Variants in NEO1 observed in about 807,000 individuals in gnomAD.
NEO1 encodes the protein neogenin 1.
Under a neutral mutation model 159.7 loss-of-function variants are expected in NEO1, and 63 were observed. The ratio of observed to expected loss-of-function variants is 0.39; its 90% CI spans 0.32 to 0.49. NEO1 has a LOEUF of 0.49. NEO1 is among the 20% of genes least tolerant of loss of function. The probability of loss-of-function intolerance (pLI) is 0.85; values close to 1 mark genes in which losing one functional copy is unlikely to be tolerated. For missense variants in NEO1, 1,615 were observed against 1,831.0 expected, an observed-to-expected ratio of 0.88 and a Z score of 2.15; for synonymous variants, 633 against 662.0, an observed-to-expected ratio of 0.96 and a Z score of 0.67.
At chr15:73,235,992 A>G (rs764447432) in intron 7 of NEO1, among the ~76,000 whole-genome samples, 4 of 152,176 alleles carry the variant, frequency 2.6e-5, no homozygotes, top group Non-Finnish European at 5.9e-5. Flanking sequence ...GCCTTCTGTG[A>G]GAAGTTTTAT....
At chr15:73,272,343 T>G (rs1433665847) in intron 18 of NEO1, 112 bp from the exon 19 acceptor site, 2 of 672,036 alleles carry the variant, frequency 3.0e-6, no homozygotes, top group African/African-American at 3.6e-5. Context: ...GCCAGAAGCT[T>G]TATCTTTTTT....
chr15:73,189,434 TG>T (rs2036119730), intron 7 of NEO1, among the ~76,000 whole-genome samples: 1 of 152,250 alleles, frequency 6.6e-6, no homozygotes, highest in Non-Finnish European at 1.5e-5. Flanking sequence ...ACCGGCTTGT[TG>T]AAGGATCCAC....
intron 7 of NEO1, among the ~76,000 whole-genome samples, chr15:73,186,761 T>C (rs79145273): frequency 0.013 from 2,024 of 152,168 alleles, 18 homozygotes; most frequent in South Asian, 0.017. Context: ...GTGAGGGGAA[T>C]AGGGCAGGCA....
intron 1 of NEO1, among the ~76,000 whole-genome samples, chr15:73,114,581 A>G (rs946240345): frequency 1.1e-4 from 16 of 152,188 alleles, no homozygotes; most frequent in African/African-American, 3.4e-4. Context: ...ACCTGGCTCA[A>G]TTTTAAAAAT....
chr15:73,208,781 G>A (rs745693269), intron 7 of NEO1, among the ~76,000 whole-genome samples: 14 of 151,880 alleles, frequency 9.2e-5, no homozygotes, highest in Non-Finnish European at 1.5e-4. Flanking sequence ...AGGATCACCC[G>A]AGCCCAGGAG....
intron 5 of NEO1, among the ~76,000 whole-genome samples, chr15:73,164,016 C>CTTA (rs1555441506): frequency 1.7e-5 from 1 of 59,710 alleles, no homozygotes; most frequent in African/African-American, 3.4e-5. Context: ...GTTTCTTTTT[C>CTTA]TTATTTTTTT....
chr15:73,155,876 G>T (rs1477527111), intron 5 of NEO1, among the ~76,000 whole-genome samples: 1 of 152,112 alleles, frequency 6.6e-6, no homozygotes, highest in African/African-American at 2.4e-5. Flanking sequence ...CTTGGTACTG[G>T]TTTTCAGATT....
intron 7 of NEO1, among the ~76,000 whole-genome samples, chr15:73,214,651 T>C (rs1263760355): frequency 6.6e-6 from 1 of 152,208 alleles, no homozygotes; most frequent in Non-Finnish European, 1.5e-5. Context: ...TTTTTAGCAG[T>C]ACCATGCTGT....
intron 13 of NEO1, among the ~76,000 whole-genome samples, chr15:73,258,090 A>T (rs942845481): frequency 1.3e-5 from 2 of 152,190 alleles, no homozygotes; most frequent in Non-Finnish European, 2.9e-5. Context: ...CCTGGTTTGT[A>T]GAATAGACTT....
At chr15:73,051,942 C>G (rs913037243), upstream of NEO1, 1 of 152,572 alleles carries the variant, frequency 6.6e-6, no homozygotes, top group Non-Finnish European at 1.5e-5. Context: ...CCAGCCTGAG[C>G]TCGGAGCGCC....
intron 2 of NEO1, among the ~76,000 whole-genome samples, chr15:73,121,474 A>G (rs1033662828): frequency 1.2e-4 from 18 of 152,178 alleles, no homozygotes; most frequent in Non-Finnish European, 2.4e-4. Flanking sequence ...TTTACTACTT[A>G]AGATGGTCTG....
chr15:73,286,232 A>G (rs1040791330), intron 23 of NEO1, among the ~76,000 whole-genome samples: 2 of 152,180 alleles, frequency 1.3e-5, no homozygotes, highest in Admixed American at 1.3e-4. Context: ...CCACTTCACC[A>G]GAATTGCTTT....
At chr15:73,265,902 CCTT>C (rs1255341581) in intron 15 of NEO1, among the ~76,000 whole-genome samples, 2 of 152,206 alleles carry the variant, frequency 1.3e-5, no homozygotes, top group Non-Finnish European at 2.9e-5. Context: ...CAGTTTATCT[CCTT>C]CTTCTCTACC....
Position 73,052,775 on chromosome 15 carries a change from G to C in NEO1, c.100G>C (p.Ala34Pro), listed in dbSNP as rs1390808036. ...GCGCCGGGCGCCGGGCGCCGCGGCC[G>C]CCAGGAGCGGCTCCGCGCCGCAGTC... ...LGRRAPGAAA[A>P]RSGSAPQSPG... is the part of the protein sequence containing the mutation. Residue 34 changes from alanine to proline, a missense_variant, in exon 1 of 29, where the codon GCC (alanine) becomes CCC (proline). Around this residue, in one of 3 missense-constraint regions of NEO1, gnomAD observed 1,018 missense variants for 1,115.4 expected, o/e 0.91. Transcript: ENST00000261908. The C allele has an allele frequency of 1.0e-5, 12 of 1,203,578 alleles. No individual in the cohort carries two copies. Among genetic ancestry groups the C allele is most frequent in the Non-Finnish European group, 1.2e-5 (12 of 963,304 alleles). The allele number at this position is 1,203,578 out of a possible 1,614,324, so 74.6% of individuals were successfully genotyped here. A position where few individuals can be genotyped will look rare whatever the true frequency, so the allele number is the denominator to read the frequency against.
intron 1 of NEO1, among the ~76,000 whole-genome samples, chr15:73,112,226 C>T (rs2071037678): frequency 1.3e-5 from 2 of 151,650 alleles, no homozygotes; most frequent in Admixed American, 1.3e-4. Flanking sequence ...GGATAATATT[C>T]TAAGGCAAGG....
intron 1 of NEO1, among the ~76,000 whole-genome samples, chr15:73,059,999 A>T (rs2067900595): frequency 6.6e-6 from 1 of 152,132 alleles, no homozygotes. Context: ...CTATGTGGAA[A>T]TTGAAAACAG....
intron 7 of NEO1, among the ~76,000 whole-genome samples, chr15:73,183,249 A>G (rs188087754): frequency 6.6e-6 from 1 of 152,132 alleles, no homozygotes; most frequent in African/African-American, 2.4e-5. Flanking sequence ...AGACAGGACA[A>G]AGGCCTTCCC....
At chr15:73,073,167 C>T (rs1567133410) in intron 1 of NEO1, among the ~76,000 whole-genome samples, 1 of 151,896 alleles carries the variant, frequency 6.6e-6, no homozygotes, top group Non-Finnish European at 1.5e-5. Context: ...GAGAAGTGAG[C>T]GGAGAAGTAG....
Position 73,247,561 on chromosome 15 carries a change from A to G in NEO1, c.1607-1499A>G, listed in dbSNP as rs533934393. Among the ~76,000 whole-genome samples, 199 of 152,342 alleles carry G rather than the reference A, an allele frequency of 1.3e-3. 1 individual carries two copies. Among genetic ancestry groups the G allele is most frequent in the Non-Finnish European group, 2.5e-3 (171 of 68,034 alleles). On this transcript the variant is annotated intron_variant, in intron 9 of 28. Transcript: ENST00000261908. The stretch of plus-strand genomic sequence containing the variant: ...ATAACGTGATTCATAACTAAAGCAA[A>G]CAACTGTTAGAGTAACCATATTCAG...
Sources: allele counts gnomAD v4.1 joint callset (sites outside exome capture counted in the v4.1 genomes callset), GRCh38; gene constraint gnomAD v4.1.1; regional missense constraint gnomAD v4.1.1; transcripts MANE v1.5; gene names NCBI Gene and HGNC (gene_info 2026-07-23, HGNC 2026-07-21).